Variants in COL6A5 observed in about 807,000 individuals in gnomAD.
COL6A5 encodes collagen type VI alpha 5 chain.
A neutral mutation model predicts 65.6 loss-of-function variants in COL6A5; 48 were observed. The ratio of observed to expected loss-of-function variants is 0.73; its 90% CI spans 0.58 to 0.93. The LOEUF (loss-of-function observed/expected upper bound fraction) is 0.93, where lower values mean the gene tolerates loss of function less well. Ranked by LOEUF, COL6A5 falls within the 40% of genes least tolerant of loss-of-function variation. COL6A5 has a pLI of 0.00. For missense variants in COL6A5, 914 were observed against 928.3 expected (o/e 0.98, Z 0.20); for synonymous variants, 291 against 322.8 (o/e 0.90, Z 1.05).
chr3:130,349,465 G>A (rs940480342), intron 1 of COL6A5, among the ~76,000 whole-genome samples: 2 of 152,168 alleles, frequency 1.3e-5, no homozygotes. Flanking sequence ...CACATAGTAT[G>A]TATTAAATGT....
intron 4 of COL6A5, among the ~76,000 whole-genome samples, chr3:130,449,015 T>C (rs1409338685): frequency 6.6e-6 from 1 of 152,192 alleles, no homozygotes; most frequent in Non-Finnish European, 1.5e-5. Flanking sequence ...CCATCCGCCA[T>C]TTGCCTGATT....
At chr3:130,388,937 C>T (rs1422935355) in exon 6 of COL6A5, 21 of 1,547,632 alleles carry the variant, frequency 1.4e-5, no homozygotes, top group South Asian at 3.6e-5. Flanking sequence ...GATGGAGTAG[C>T]GCAGGATGAT....
At chr3:130,449,793 C>A (rs1048060694) in intron 4 of COL6A5, among the ~76,000 whole-genome samples, 1 of 152,146 alleles carries the variant, frequency 6.6e-6, no homozygotes, top group Non-Finnish European at 1.5e-5. Flanking sequence ...GCAATTGACT[C>A]ACCGGCCAGA....
intron 1 of COL6A5, among the ~76,000 whole-genome samples, chr3:130,368,930 T>C (rs1036830125): frequency 6.6e-6 from 1 of 152,196 alleles, no homozygotes; most frequent in Admixed American, 6.5e-5. Context: ...AAGCTTTAGC[T>C]CAGCCATGGA....
At chr3:130,471,691 T>G in intron 7 of COL6A5, 1 of 1,534,674 alleles carries the variant, frequency 6.5e-7, no homozygotes, top group Non-Finnish European at 8.7e-7. Flanking sequence ...GACTTCTTCC[T>G]GGGATATATG....
At chr3:130,365,403 G>A (rs866448150) in intron 1 of COL6A5, among the ~76,000 whole-genome samples, 9 of 152,114 alleles carry the variant, frequency 5.9e-5, no homozygotes, top group African/African-American at 1.9e-4. Context: ...TCAGCCTCCC[G>A]AGTAGCTGGG....
intron 1 of COL6A5, among the ~76,000 whole-genome samples, chr3:130,435,484 A>G (rs775370617): frequency 1.6e-4 from 25 of 152,124 alleles, no homozygotes; most frequent in Non-Finnish European, 2.9e-4. Flanking sequence ...AAGAATGTCA[A>G]TGGTAGTTTA....
At chr3:130,375,709 T>A (rs756949620) in intron 2 of COL6A5, among the ~76,000 whole-genome samples, 1 of 152,018 alleles carries the variant, frequency 6.6e-6, no homozygotes, top group Non-Finnish European at 1.5e-5. Flanking sequence ...AAAATTACAA[T>A]CATGGCAGAA....
intron 20 of COL6A5, among the ~76,000 whole-genome samples, chr3:130,412,180 C>T (rs1937196722): frequency 6.6e-6 from 1 of 152,206 alleles, no homozygotes; most frequent in African/African-American, 2.4e-5. Context: ...ACTTCTATAG[C>T]ATCTATTTTG....
At chr3:130,475,693 G>C (rs1710075699) in intron 7 of COL6A5, among the ~76,000 whole-genome samples, 1 of 152,086 alleles carries the variant, frequency 6.6e-6, no homozygotes. Flanking sequence ...ATACTGGGCA[G>C]GTGAAATTAA....
chr3:130,388,618 G>A (rs1460153609), exon 6 of COL6A5: 1 of 1,549,326 alleles, frequency 6.5e-7, no homozygotes, highest in Admixed American at 2.0e-5. Flanking sequence ...GTTTCTGGTG[G>A]ACAGTTCTTG....
At chr3:130,474,013 A>T (rs1710026765) in intron 7 of COL6A5, among the ~76,000 whole-genome samples, 1 of 152,122 alleles carries the variant, frequency 6.6e-6, no homozygotes, top group Admixed American at 6.6e-5. Flanking sequence ...CTCAAGTAGT[A>T]ACAGCAGTAA....
At chr3:130,415,676 A>G in exon 23 of COL6A5, 2 of 1,546,422 alleles carry the variant, frequency 1.3e-6, no homozygotes, top group Non-Finnish European at 1.7e-6. Context: ...AGAAAAGGAG[A>G]AAAAGGAAGC....
At chr3:130,468,110 A>AAAAT (rs903043307) in intron 5 of COL6A5, among the ~76,000 whole-genome samples, 6 of 152,152 alleles carry the variant, frequency 3.9e-5, no homozygotes, top group East Asian at 1.9e-4. Context: ...TCTTGCTATG[A>AAAAT]AAATAAATAA....
rs1043355822 is a variant in COL6A5 at position 130,410,600 on chromosome 3, G to A, written c.4662+76G>A. Reference sequence around the variant, plus strand: ...CAGAGGCATTCAGAATATTTGTTGTGCACAGTTGGCTGATTCAGGGCTGAA... The same window carrying A: ...CAGAGGCATTCAGAATATTTGTTGTACACAGTTGGCTGATTCAGGGCTGAA... On this transcript the variant is annotated intron_variant and NMD_transcript_variant, in intron 20 of 41. Transcript: ENST00000312481. 11 of 1,262,398 alleles carry A rather than the reference G, an allele frequency of 8.7e-6. No homozygotes were observed. The African/African-American group carries it at 1.5e-4, about 17-fold the overall frequency. 78.2% of individuals were successfully genotyped at this position (1,262,398 alleles called of 1,614,324 possible).
At chr3:130,394,809 T>C in intron 7 of COL6A5, 81 bp from the exon 8 acceptor site, 1 of 969,204 alleles carries the variant, frequency 1.0e-6, no homozygotes, top group Non-Finnish European at 1.5e-6. Flanking sequence ...AAGTATTTAG[T>C]AAAGCAATTT....
At chr3:130,464,807 A>G (rs1473735434) in intron 5 of COL6A5, among the ~76,000 whole-genome samples, 6 of 152,110 alleles carry the variant, frequency 3.9e-5, no homozygotes, top group African/African-American at 1.4e-4. Flanking sequence ...AATTTCAAAC[A>G]TGCTTGTGTG....
intron 7 of COL6A5, among the ~76,000 whole-genome samples, chr3:130,475,010 A>C (rs1376113338): frequency 1.1e-5 from 1 of 88,710 alleles, no homozygotes; most frequent in Non-Finnish European, 3.1e-5. Flanking sequence ...ATGTCTCCAA[A>C]AAAAAAAAAA....
intron 4 of COL6A5, among the ~76,000 whole-genome samples, chr3:130,453,120 C>G (rs527720517): frequency 1.1e-3 from 173 of 152,110 alleles, no homozygotes; most frequent in African/African-American, 3.8e-3. Context: ...ATCATCACAG[C>G]GTCCTGAGGT....
Sources: gnomAD v4.1 joint callset for allele counts (sites outside exome capture counted in the v4.1 genomes callset) on GRCh38, gnomAD v4.1.1 for gene constraint, MANE v1.5 for transcripts, NCBI Gene and HGNC (gene_info 2026-07-23, HGNC 2026-07-21) for gene names.